TRPM7: variants seen among roughly 807,000 people sequenced by gnomAD.
TRPM7 encodes LTRPC ion channel family member 7.
TRPM7 carries 134 observed loss-of-function variants against 229.7 expected under a neutral mutation model. The ratio of observed to expected loss-of-function variants is 0.58; its 90% CI spans 0.51 to 0.67. The LOEUF (loss-of-function observed/expected upper bound fraction) is 0.67, where lower values mean the gene tolerates loss of function less well. Ranked by LOEUF, TRPM7 falls within the 30% of genes least tolerant of loss-of-function variation. The pLI is 0.00. For missense variants in TRPM7, 1,901 were observed against 2,210.0 expected (o/e 0.86, Z 2.80); for synonymous variants, 699 against 715.2 (o/e 0.98, Z 0.36).
At chr15:50,575,683 G>C in intron 33 of TRPM7, 41 bp downstream of exon 33, 1 of 1,532,366 alleles carries the variant, frequency 6.5e-7, no homozygotes. Context: ...TCATTAAAGG[G>C]TTAATTTTCA....
intron 10 of TRPM7, among the ~76,000 whole-genome samples, chr15:50,631,101 A>C (rs2060715806): frequency 6.6e-6 from 1 of 152,172 alleles, no homozygotes; most frequent in South Asian, 2.1e-4. Flanking sequence ...TGTTGGGATT[A>C]CAGGTGTGAG....
At chr15:50,599,962 C>A (rs184878219) in intron 21 of TRPM7, among the ~76,000 whole-genome samples, 1 of 152,248 alleles carries the variant, frequency 6.6e-6, no homozygotes, top group East Asian at 1.9e-4. Flanking sequence ...GAGCTAAAAC[C>A]TAGTAATTCA....
intron 22 of TRPM7, among the ~76,000 whole-genome samples, chr15:50,598,520 A>C (rs2059690371): frequency 6.6e-6 from 1 of 152,184 alleles, no homozygotes; most frequent in Admixed American, 6.5e-5. Flanking sequence ...TTATTTTTGT[A>C]ATTAACGTTG....
intron 38 of TRPM7, among the ~76,000 whole-genome samples, chr15:50,568,111 CAAAA>C (rs57093955): frequency 4.3e-4 from 35 of 81,412 alleles, no homozygotes; most frequent in East Asian, 1.1e-3. Context: ...GACTCTGTCT[CAAAA>C]AAAAAAAAAA....
intron 38 of TRPM7, among the ~76,000 whole-genome samples, chr15:50,567,191 T>C: frequency 6.6e-6 from 1 of 152,130 alleles, no homozygotes; most frequent in Non-Finnish European, 1.5e-5. Context: ...TTTTTTATTA[T>C]TATACTTTAA....
intron 38 of TRPM7, among the ~76,000 whole-genome samples, chr15:50,563,318 T>C (rs2053414649): frequency 6.6e-6 from 1 of 150,964 alleles, no homozygotes; most frequent in Non-Finnish European, 1.5e-5. Flanking sequence ...TTATACATCA[T>C]AGATACAAGC....
In TRPM7 at chr15:50,592,301, G is replaced by T. The variant is rs768416682; in HGVS notation, c.3934C>A (p.Pro1312Thr). 10 of 1,613,710 alleles carry T rather than the reference G, an allele frequency of 6.2e-6. No individual in the cohort carries two copies. The highest frequency in any genetic ancestry group is 4.4e-5 in the South Asian group (4 of 91,052). Residue 1312 changes from proline to threonine, a missense_variant, in exon 26 of 39, where the codon CCT becomes ACT. Coordinates refer to ENST00000646667, the MANE Select transcript of TRPM7 (RefSeq NM_017672.6). ...LPQGDLESNN[P>T]FHCNILMKDD... ...TTCATTAAAATATTACAATGAAAAG[G>T]ATTATTACTTTCAAGATCACCTTGA... is the stretch of plus-strand genomic sequence containing the variant.
chr15:50,652,007 C>T (rs2140860611), intron 3 of TRPM7, among the ~76,000 whole-genome samples: 1 of 151,862 alleles, frequency 6.6e-6, no homozygotes, highest in Non-Finnish European at 1.5e-5. Flanking sequence ...GCAAATTAAA[C>T]TCAAAGTAAG....
chr15:50,616,164 GAATTATCT>G, intron 13 of TRPM7, among the ~76,000 whole-genome samples: 1 of 152,106 alleles, frequency 6.6e-6, no homozygotes, highest in South Asian at 2.1e-4. Flanking sequence ...AAAATAATGT[GAATTATCT>G]AACAAATGTC....
intron 23 of TRPM7, among the ~76,000 whole-genome samples, chr15:50,595,253 T>A (rs543969013): frequency 6.6e-6 from 1 of 151,366 alleles, no homozygotes; most frequent in East Asian, 1.9e-4. Flanking sequence ...AAAAAAAAAA[T>A]ACTCAGTGTG....
chr15:50,654,319 C>T (rs746845750), intron 3 of TRPM7, among the ~76,000 whole-genome samples: 2 of 150,968 alleles, frequency 1.3e-5, no homozygotes, highest in South Asian at 2.1e-4. Flanking sequence ...TGGTGGTGTG[C>T]GCCTGTAATC....
rs760305570 is a variant in TRPM7 at position 50,575,694 on chromosome 15, CTTAT to C, written c.4735+26_4735+29del. On this transcript the variant is annotated intron_variant, in intron 33 of 38. Transcript: ENST00000646667. ...AAAATCATTAAAGGGTTAATTTTCACTTATTTATTTCTTTAATTTTTGGATTTAC... is the reference window on the plus strand; with the variant it reads ...AAAATCATTAAAGGGTTAATTTTCACTTATTTCTTTAATTTTTGGATTTAC... 8.2e-6 allele frequency: 13 copies of C among 1,581,978 alleles called. No homozygotes were observed. In the South Asian group the frequency reaches 1.1e-4, roughly 14 times the overall value.
intron 1 of TRPM7, among the ~76,000 whole-genome samples, chr15:50,664,567 A>C (rs558778589): frequency 1.7e-4 from 26 of 152,178 alleles, no homozygotes; most frequent in Non-Finnish European, 3.7e-4. Flanking sequence ...TAACCAAATA[A>C]AAGTTTCAAA....
At chr15:50,562,752 G>A (rs1378422862) in intron 38 of TRPM7, among the ~76,000 whole-genome samples, 1 of 148,900 alleles carries the variant, frequency 6.7e-6, no homozygotes, top group Non-Finnish European at 1.5e-5. Context: ...CAACCTGGGC[G>A]ACAGAGTGAG....
chr15:50,658,253 C>T (rs1233245108), intron 2 of TRPM7, among the ~76,000 whole-genome samples: 1 of 152,052 alleles, frequency 6.6e-6, no homozygotes, highest in Non-Finnish European at 1.5e-5. Context: ...GATCCACCTG[C>T]CTCGGCCTCC....
intron 12 of TRPM7, among the ~76,000 whole-genome samples, chr15:50,621,957 G>T (rs1246376860): frequency 6.6e-6 from 1 of 152,066 alleles, no homozygotes; most frequent in East Asian, 1.9e-4. Context: ...TTGAACCTGG[G>T]AGGTGGAGGT....
chr15:50,610,806 C>G (rs1302978118), intron 17 of TRPM7, among the ~76,000 whole-genome samples: 1 of 151,944 alleles, frequency 6.6e-6, no homozygotes, highest in African/African-American at 2.4e-5. Context: ...TAACTTTTTT[C>G]AAGGCTGCTA....
At chr15:50,613,934 T>C in intron 14 of TRPM7, 93 bp from the exon 15 acceptor site, 2 of 1,446,898 alleles carry the variant, frequency 1.4e-6, no homozygotes, top group Non-Finnish European at 1.9e-6. Flanking sequence ...TGCAAATGTG[T>C]TTGTGTACAC....
intron 29 of TRPM7, 95 bp from the exon 30 acceptor site, chr15:50,581,003 G>C: frequency 1.3e-5 from 17 of 1,290,698 alleles, no homozygotes; most frequent in Non-Finnish European, 1.8e-5. Context: ...TATATTTTAA[G>C]AATGAAAGGC....
Sources: allele counts gnomAD v4.1 joint callset (sites outside exome capture counted in the v4.1 genomes callset), GRCh38; gene constraint gnomAD v4.1.1; transcripts MANE v1.5; gene names NCBI Gene and HGNC (gene_info 2026-07-23, HGNC 2026-07-21).